The following MACF1 variants were observed in gnomAD, a reference collection of about 807,000 sequenced individuals.
MACF1 encodes the protein microtubule actin crosslinking factor 1.
Under a neutral mutation model 854.8 loss-of-function variants are expected in MACF1, and 193 were observed. The observed-to-expected ratio is 0.23, with a 90% CI of 0.20 to 0.25. The LOEUF is 0.25. Among genes scored for constraint, MACF1 ranks in the 10% least tolerant of loss-of-function variants. The probability of loss-of-function intolerance (pLI) is 1.00; values close to 1 mark genes in which losing one functional copy is unlikely to be tolerated. For synonymous variants in MACF1, 3,185 were observed against 3,226.7 expected, an observed-to-expected ratio of 0.99 and a Z score of 0.44; for missense variants, 7,722 against 8,929.1, an observed-to-expected ratio of 0.86 and a Z score of 5.45.
At chr1:39,471,037 T>C (rs1482121818) in intron 97 of MACF1, among the ~76,000 whole-genome samples, 1 of 152,186 alleles carries the variant, frequency 6.6e-6, no homozygotes, top group Non-Finnish European at 1.5e-5. Flanking sequence ...GTAACCTTTT[T>C]TAGCATCCCT....
At chr1:39,309,144 T>C (rs1221120300) in intron 23 of MACF1, among the ~76,000 whole-genome samples, 1 of 152,224 alleles carries the variant, frequency 6.6e-6, no homozygotes, top group Non-Finnish European at 1.5e-5. Flanking sequence ...CTCTGGCTTG[T>C]AATCATCATA....
chr1:39,439,988 A>G (rs921666230), intron 72 of MACF1, among the ~76,000 whole-genome samples: 1 of 144,966 alleles, frequency 6.9e-6, no homozygotes, highest in Non-Finnish European at 1.5e-5. Flanking sequence ...AGAAAAATAG[A>G]TGGTAGAAAA....
In MACF1 at chr1:39,293,540, A is replaced by G; in HGVS notation, c.2075A>G (p.Asn692Ser). ...GCTACAGCTGAGTTGATCTGGTTGA[A>G]TGAGAAGGAGGAGGAGGAACTAGCA... ...SRATAELIWL[N>S]EKEEEELAYD... The change falls in exon 18 of 101, where the codon AAT (asparagine) becomes AGT (serine). Residue 692 changes from asparagine (N) to serine (S), a missense_variant. By Grantham distance (46) the Asn-to-Ser change is conservative. Transcript: ENST00000564288. 1 of 1,614,078 alleles carries G rather than the reference A, an allele frequency of 6.2e-7. No homozygotes were observed. The highest frequency in any genetic ancestry group is 8.5e-7 in the Non-Finnish European group (1 of 1,179,960).
At chr1:39,317,171 C>T (rs761557742) in intron 28 of MACF1, 43 bp from the exon 29 acceptor site, 1 of 1,583,474 alleles carries the variant, frequency 6.3e-7, no homozygotes, top group East Asian at 2.2e-5. Context: ...TCCTTTTTAG[C>T]ATGGAAAGTA....
rs145251509 is a variant in MACF1, at chr1:39,300,397, G to A, written c.2634+35G>A. The A allele has an allele frequency of 1.9e-6, 3 of 1,584,296 alleles. No individual in the cohort carries two copies. The African/African-American group carries it at 4.1e-5, about 22-fold the overall frequency. On this transcript the variant is annotated intron_variant, in intron 22 of 100. Coordinates refer to ENST00000564288, the MANE Select transcript of MACF1 (RefSeq NM_001394062.1). ...TAGAAAGGGTACCTCTGGGCCACAG[G>A]GGGAAGGAAGAAAGAAGGGAAGCCT... is the stretch of plus-strand genomic sequence containing the variant.
chr1:39,405,630 A>G (rs2148600604), intron 58 of MACF1, among the ~76,000 whole-genome samples: 1 of 152,358 alleles, frequency 6.6e-6, no homozygotes, highest in Middle Eastern at 3.4e-3. Flanking sequence ...AGGAGCTGGA[A>G]GGGCCAGGAT....
Position 39,361,415 on chromosome 1 carries a change from T to C in MACF1, c.12509T>C (p.Met4170Thr), listed in dbSNP as rs1474609659. ...AGCAGCTTGGAGGCCACCCGTGAGA[T>C]GGTGACCCGATTCATGGAGACAGCA... ...QKSSLEATREMVTRFMETADS... is the reference protein window; with the variant it reads ...QKSSLEATRETVTRFMETADS... Residue 4170 changes from methionine to threonine, a missense_variant, in exon 49 of 101, where the codon ATG becomes ACG. Met to Thr is a moderately conservative substitution (Grantham distance 81). This residue lies in a region of MACF1 where 2,807 missense variants were observed against 3,235.8 expected (regional missense o/e 0.87). Transcript: ENST00000564288. 1 of 1,614,100 alleles carries C rather than the reference T, an allele frequency of 6.2e-7. No individual in the cohort carries two copies. Among genetic ancestry groups the C allele is most frequent in the Non-Finnish European group, 8.5e-7 (1 of 1,180,030 alleles).
At chr1:39,483,114 A>AAAC (rs1645046070) in intron 99 of MACF1, among the ~76,000 whole-genome samples, 2 of 74,944 alleles carry the variant, frequency 2.7e-5, no homozygotes, top group African/African-American at 4.6e-5. Context: ...AAAAAAAAAC[A>AAAC]CCCACACATT....
intron 1 of MACF1, among the ~76,000 whole-genome samples, chr1:39,222,907 A>G (rs548610116): frequency 4.3e-4 from 66 of 152,240 alleles, no homozygotes; most frequent in African/African-American, 1.5e-3. Context: ...TACTGGGACT[A>G]TGTGGGTAGG....
intron 25 of MACF1, 78 bp downstream of exon 25, chr1:39,310,506 A>T: frequency 3.5e-6 from 5 of 1,434,792 alleles, no homozygotes; most frequent in Non-Finnish European, 4.7e-6. Context: ...CCTTCATATA[A>T]ATGAGAGAGT....
intron 2 of MACF1, among the ~76,000 whole-genome samples, chr1:39,236,928 T>G (rs1644865607): frequency 1.3e-5 from 2 of 152,210 alleles, no homozygotes; most frequent in Admixed American, 1.3e-4. Context: ...GTGATGAGAT[T>G]ACAGGCATGA....
chr1:39,340,858 G>C lies in MACF1; in HGVS notation c.10486G>C (p.Ala3496Pro), dbSNP rs759847951. 1 of 1,614,030 alleles carries C rather than the reference G, an allele frequency of 6.2e-7. No individual in the cohort carries two copies. Among genetic ancestry groups the C allele is most frequent in the Admixed American group, 1.7e-5 (1 of 59,994 alleles). The change falls in exon 40 of 101, where the codon GCC becomes CCC. Residue 3496 changes from alanine to proline, a missense_variant. Transcript: ENST00000564288. ...AGAAGGCCGACTTCAAGATCTGAGA[G>C]CCTGGGTTGGCAATAAAAATCTTAT... Reference protein sequence around the residue: ...QLEGRLQDLRAWVGNKNLILN... With the variant: ...QLEGRLQDLRPWVGNKNLILN...
intron 36 of MACF1, chr1:39,328,633 T>C (rs1046662995): frequency 2.6e-5 from 4 of 152,206 alleles, no homozygotes; most frequent in African/African-American, 9.7e-5. Flanking sequence ...AAGCTTACAC[T>C]GTGTGTGTGA....
At chr1:39,301,616 G>A (rs190759623) in intron 22 of MACF1, among the ~76,000 whole-genome samples, 37 of 151,594 alleles carry the variant, frequency 2.4e-4, no homozygotes, top group African/African-American at 8.5e-4. Flanking sequence ...TAGTAGAGAC[G>A]GGGTTTCACT....
chr1:39,410,554 A>G (rs541540223), intron 58 of MACF1: 5 of 1,614,024 alleles, frequency 3.1e-6, no homozygotes, highest in South Asian at 2.2e-5. Flanking sequence ...GGATGAGAGG[A>G]TAATATTTGA....
intron 58 of MACF1, among the ~76,000 whole-genome samples, chr1:39,395,313 G>C (rs1472125933): frequency 6.6e-6 from 1 of 152,208 alleles, no homozygotes; most frequent in Non-Finnish European, 1.5e-5. Flanking sequence ...GGGAAACTTA[G>C]AATTCAGGTG....
chr1:39,368,510 C>CT (rs35652158), intron 50 of MACF1, among the ~76,000 whole-genome samples, 196 bp downstream of exon 50: 21 of 150,884 alleles, frequency 1.4e-4, no homozygotes, highest in Non-Finnish European at 2.4e-4. Context: ...TTTTTCTTTT[C>CT]TTTTTTTTTG....
At chr1:39,162,524 G>A (rs1261926455) in intron 2 of MACF1, among the ~76,000 whole-genome samples, 2 of 151,950 alleles carry the variant, frequency 1.3e-5, no homozygotes. Flanking sequence ...TGTATTCCCA[G>A]TAGAATTATT....
chr1:39,234,875 G>A (rs1244311780), intron 2 of MACF1, among the ~76,000 whole-genome samples: 9 of 133,368 alleles, frequency 6.7e-5, no homozygotes, highest in South Asian at 2.9e-4. Flanking sequence ...ACGGGGCGGC[G>A]GGGCAGAGGC....
Sources: allele counts gnomAD v4.1 joint callset (sites outside exome capture counted in the v4.1 genomes callset), GRCh38; gene constraint gnomAD v4.1.1; regional missense constraint gnomAD v4.1.1; transcripts MANE v1.5; gene names NCBI Gene and HGNC (gene_info 2026-07-23, HGNC 2026-07-21).